The following ZBBX variants were observed in gnomAD, a reference collection of about 807,000 sequenced individuals.
ZBBX encodes the protein zinc finger B-box domain-containing protein 1.
ZBBX carries 101 observed loss-of-function variants against 108.5 expected under a neutral mutation model. The ratio of observed to expected loss-of-function variants is 0.93; its 90% confidence interval spans 0.79 to 1.10. ZBBX has a LOEUF of 1.10. Among genes scored for constraint, ZBBX ranks in the 50% least tolerant of loss-of-function variants. The probability of loss-of-function intolerance (pLI) is 0.00; values close to 1 mark genes in which losing one functional copy is unlikely to be tolerated. For missense variants in ZBBX, 1,009 were observed against 941.4 expected (o/e 1.07, Z -0.94); for synonymous variants, 356 against 323.4 (o/e 1.10, Z -1.08).
At chr3:167,345,551 T>C (rs778548506) in intron 9 of ZBBX, among the ~76,000 whole-genome samples, 1 of 151,896 alleles carries the variant, frequency 6.6e-6, no homozygotes, top group Non-Finnish European at 1.5e-5. Context: ...ATCATGTGAC[T>C]TTATGATAAT....
intron 20 of ZBBX, among the ~76,000 whole-genome samples, chr3:167,266,529 C>T (rs1725522807): frequency 6.6e-6 from 1 of 152,156 alleles, no homozygotes; most frequent in Non-Finnish European, 1.5e-5. Flanking sequence ...CACCACTGTA[C>T]CTCACATCCC....
chr3:167,375,823 C>A (rs1035763819), intron 2 of ZBBX, among the ~76,000 whole-genome samples: 1 of 152,048 alleles, frequency 6.6e-6, no homozygotes, highest in Non-Finnish European at 1.5e-5. Flanking sequence ...AATATAATTG[C>A]AAAATGGAAT....
At chr3:167,365,767 T>C (rs1336142801) in intron 6 of ZBBX, 119 bp downstream of exon 6, 6 of 488,784 alleles carry the variant, frequency 1.2e-5, no homozygotes, top group Non-Finnish European at 2.0e-5. Flanking sequence ...AAGTGAATAA[T>C]ATGCAAAGTT....
intron 1 of ZBBX, among the ~76,000 whole-genome samples, chr3:167,389,482 G>A (rs1411203383): frequency 6.6e-6 from 1 of 152,034 alleles, no homozygotes; most frequent in African/African-American, 2.4e-5. Flanking sequence ...ATAATCCTTT[G>A]GGTATATACT....
chr3:167,361,685 G>T (rs1399727781), intron 6 of ZBBX, among the ~76,000 whole-genome samples: 3 of 152,086 alleles, frequency 2.0e-5, no homozygotes, highest in Non-Finnish European at 4.4e-5. Context: ...CAGCAGAAAA[G>T]AAAATAAGAT....
intron 1 of ZBBX, among the ~76,000 whole-genome samples, chr3:167,396,025 A>G (rs1420612783): frequency 6.6e-6 from 1 of 152,048 alleles, no homozygotes; most frequent in East Asian, 1.9e-4. Context: ...CACTTGAGGA[A>G]GAAGACAGTT....
the ZBBX span, among the ~76,000 whole-genome samples, chr3:167,182,222 G>A: frequency 3.3e-5 from 5 of 152,038 alleles, no homozygotes; most frequent in African/African-American, 1.2e-4. Flanking sequence ...TCCTGCTATG[G>A]CTTGTGCCAA....
intron 20 of ZBBX, among the ~76,000 whole-genome samples, chr3:167,271,581 A>G (rs1415184096): frequency 2.6e-5 from 4 of 152,206 alleles, no homozygotes; most frequent in Non-Finnish European, 5.9e-5. Context: ...ACTTGCATCA[A>G]GGGACCCACT....
At chr3:167,276,640 G>A (rs1289579277) in intron 20 of ZBBX, among the ~76,000 whole-genome samples, 2 of 152,192 alleles carry the variant, frequency 1.3e-5, no homozygotes, top group South Asian at 2.1e-4. Flanking sequence ...AAAGTGACGG[G>A]GAGAACGGAA....
the ZBBX span, among the ~76,000 whole-genome samples, chr3:167,180,188 C>T: frequency 6.6e-6 from 1 of 152,142 alleles, no homozygotes; most frequent in Non-Finnish European, 1.5e-5. Context: ...TTTATTTGAG[C>T]ATTATGCACT....
chr3:167,263,194 G>T (rs574709668), intron 20 of ZBBX, among the ~76,000 whole-genome samples: 4 of 151,664 alleles, frequency 2.6e-5, no homozygotes, highest in Admixed American at 2.6e-4. Flanking sequence ...GCACCACTGC[G>T]CCCAACTAAT....
At position 167,322,226 on chromosome 3, in the gene ZBBX, C is replaced by G; in HGVS notation, c.874G>C (p.Glu292Gln). The change falls in exon 12 of 22, where the codon GAA becomes CAA. Residue 292 changes from glutamate (E) to glutamine (Q), a missense_variant. Glu to Gln is a conservative substitution (Grantham distance 29, BLOSUM62 2). Coordinates refer to ENST00000675490, the MANE Select transcript of ZBBX (RefSeq NM_001199201.2). ...LHAAVKDSLE[E>Q]CEVQTNLKIW... ...TTCAGATTAGTCTGTACTTCGCATT[C>G]TTCCAATGAGTCTGTAAAAATAAAC... 1 of 1,463,350 alleles carries G rather than the reference C, an allele frequency of 6.8e-7. No individual in the cohort carries two copies. The highest frequency in any genetic ancestry group is 9.0e-7 in the Non-Finnish European group (1 of 1,107,622). The allele number at this position is 1,463,350 out of a possible 1,614,324, so 90.6% of individuals were successfully genotyped here.
intron 2 of ZBBX, among the ~76,000 whole-genome samples, chr3:167,376,782 A>G (rs1330905115): frequency 6.6e-6 from 1 of 152,178 alleles, no homozygotes; most frequent in Non-Finnish European, 1.5e-5. Context: ...AGTCACCTAC[A>G]TAAGCTAATT....
At chr3:167,219,205 T>G in the ZBBX span, among the ~76,000 whole-genome samples, 1 of 151,956 alleles carries the variant, frequency 6.6e-6, no homozygotes, top group African/African-American at 2.4e-5. Context: ...CACCCCACTT[T>G]CAGCATTACA....
the ZBBX span, among the ~76,000 whole-genome samples, chr3:167,183,208 C>A: frequency 6.6e-6 from 1 of 152,202 alleles, no homozygotes; most frequent in African/African-American, 2.4e-5. Flanking sequence ...TACTCTCCTT[C>A]CTCCTCATCA....
chr3:167,327,329 G>C (rs184718960), intron 11 of ZBBX, among the ~76,000 whole-genome samples: 8 of 151,760 alleles, frequency 5.3e-5, no homozygotes, highest in African/African-American at 1.9e-4. Flanking sequence ...GCTCAAAAAA[G>C]CAATAGTTGT....
At chr3:167,362,323 G>A (rs1465624086) in intron 6 of ZBBX, among the ~76,000 whole-genome samples, 4 of 151,828 alleles carry the variant, frequency 2.6e-5, no homozygotes, top group Non-Finnish European at 5.9e-5. Context: ...TGCTATCAGG[G>A]GCCAGGAAAG....
chr3:167,375,599 A>G (rs77119954), intron 2 of ZBBX, among the ~76,000 whole-genome samples: 2 of 146,990 alleles, frequency 1.4e-5, no homozygotes, highest in Non-Finnish European at 3.0e-5. Flanking sequence ...CTCAAAAAAG[A>G]AAAAAAAAAG....
At chr3:167,295,742 T>A (rs1576920062) in intron 18 of ZBBX, among the ~76,000 whole-genome samples, 9 of 31,982 alleles carry the variant, frequency 2.8e-4, no homozygotes, top group East Asian at 1.6e-3. Context: ...TATATATATA[T>A]ATATATATAT....
Sources: gnomAD v4.1 joint callset for allele counts (sites outside exome capture counted in the v4.1 genomes callset) on GRCh38, gnomAD v4.1.1 for gene constraint, MANE v1.5 for transcripts, NCBI Gene and HGNC (gene_info 2026-07-23, HGNC 2026-07-21) for gene names.